The following N4BP2L2 variants were observed in gnomAD, a reference collection of about 807,000 sequenced individuals.
The protein encoded by N4BP2L2 is NEDD4-binding protein 2-like 2.
Under a neutral mutation model 56.2 loss-of-function variants are expected in N4BP2L2, and 50 were observed. The ratio of observed to expected loss-of-function variants is 0.89; its 90% confidence interval spans 0.71 to 1.13. The LOEUF is 1.13. Ranked by LOEUF, N4BP2L2 falls within the 50% of genes most tolerant of loss-of-function variation. The pLI is 0.00. For missense variants in N4BP2L2, 689 were observed against 693.8 expected (o/e 0.99, Z 0.08); for synonymous variants, 203 against 223.6 (o/e 0.91, Z 0.82).
chr13:32,518,119 T>G, intron 5 of N4BP2L2, 116 bp from the exon 6 acceptor site: 1 of 954,682 alleles, frequency 1.0e-6, no homozygotes, highest in African/African-American at 1.7e-5. Context: ...ATAAACAATA[T>G]ATATTTCATC....
chr13:32,488,021 A>C (rs769090796), intron 6 of N4BP2L2, among the ~76,000 whole-genome samples: 4 of 152,020 alleles, frequency 2.6e-5, no homozygotes, highest in Non-Finnish European at 5.9e-5. Context: ...ACCACGCCGG[A>C]CTAATAAGAG....
chr13:32,448,878 GC>G (rs1234703800), intron 6 of N4BP2L2, among the ~76,000 whole-genome samples: 17 of 152,140 alleles, frequency 1.1e-4, no homozygotes, highest in Admixed American at 9.2e-4. Context: ...AATAACTGAG[GC>G]CCAGGTCCTG....
At chr13:32,515,742 AATT>A (rs1180362591) in exon 6 of N4BP2L2, 1 of 151,972 alleles carries the variant, frequency 6.6e-6, no homozygotes. Flanking sequence ...TAAAAAAACT[AATT>A]TTTTTTTTTG....
At chr13:32,527,306 C>T in intron 3 of N4BP2L2, 102 bp downstream of exon 3, 3 of 1,293,530 alleles carry the variant, frequency 2.3e-6, no homozygotes, top group African/African-American at 1.5e-5. Flanking sequence ...AACGGCTTGC[C>T]TACAGTCATT....
rs1185615708 is a variant in N4BP2L2 at position 32,492,272 on chromosome 13, A to ATTTTT, written c.365+25584_365+25585insAAAAA. On this transcript the variant is annotated intron_variant, in intron 6 of 9. Coordinates refer to the N4BP2L2 transcript ENST00000357505. ...TTTTCTACACATCCCAAAACACCAAAATTTTTTTTTTTTTTTTTTTTTTTT... is the reference window on the plus strand; with the variant it reads ...TTTTCTACACATCCCAAAACACCAAATTTTTATTTTTTTTTTTTTTTTTTTTTTTT... 2.6e-3 allele frequency among the ~76,000 whole-genome samples: 204 copies of ATTTTT among 77,036 alleles called. 3 individuals are homozygous for ATTTTT. The highest frequency in any genetic ancestry group is 9.6e-3 in the African/African-American group (168 of 17,544). 50.5% of individuals were successfully genotyped at this position (77,036 alleles called of 152,430 possible). A position where few individuals can be genotyped will look rare whatever the true frequency, so the allele number is the denominator to read the frequency against.
At chr13:32,452,043 CT>C (rs1430295369) in intron 6 of N4BP2L2, among the ~76,000 whole-genome samples, 1 of 147,734 alleles carries the variant, frequency 6.8e-6, no homozygotes, top group African/African-American at 2.5e-5. Context: ...ATACCTCCAG[CT>C]TTTTTTCTTT....
chr13:32,507,826 T>G (rs1436462214), downstream of N4BP2L2: 1 of 152,130 alleles, frequency 6.6e-6, no homozygotes, highest in Non-Finnish European at 1.5e-5. Context: ...TATAGACTAC[T>G]CTAGCTGCTC....
chr13:32,538,079 G>A (rs184669763), intron 1 of N4BP2L2, among the ~76,000 whole-genome samples: 102 of 136,092 alleles, frequency 7.5e-4, no homozygotes, highest in South Asian at 2.0e-3. Flanking sequence ...TTGGGGGGGG[G>A]GGGCGGTTAC....
chr13:32,536,149 T>C (rs762504479), exon 2 of N4BP2L2: 3 of 1,613,968 alleles, frequency 1.9e-6, no homozygotes, highest in South Asian at 2.2e-5. Flanking sequence ...GACCACTGAA[T>C]CTCTGAATGT....
chr13:32,483,597 TA>T (rs1318957824), intron 6 of N4BP2L2, among the ~76,000 whole-genome samples: 1 of 152,256 alleles, frequency 6.6e-6, no homozygotes, highest in African/African-American at 2.4e-5. Context: ...GATCTTTATT[TA>T]TACTTACTGT....
At chr13:32,471,863 C>T (rs1566082776) in intron 6 of N4BP2L2, among the ~76,000 whole-genome samples, 1 of 152,268 alleles carries the variant, frequency 6.6e-6, no homozygotes, top group Non-Finnish European at 1.5e-5. Context: ...CCACTCCCTT[C>T]AGACCTCAGC....
At chr13:32,467,249 T>A (rs1375213023) in intron 6 of N4BP2L2, among the ~76,000 whole-genome samples, 3 of 150,688 alleles carry the variant, frequency 2.0e-5, no homozygotes, top group Non-Finnish European at 4.4e-5. Context: ...GTTGTTATTA[T>A]GAGAGAGGGG....
chr13:32,438,832 T>G, intron 7 of N4BP2L2: 1 of 786,324 alleles, frequency 1.3e-6, no homozygotes, highest in Non-Finnish European at 2.1e-6. Flanking sequence ...TAATTCACCA[T>G]ACCATTAAAA....
intron 2 of N4BP2L2, among the ~76,000 whole-genome samples, chr13:32,534,154 G>C (rs999807752): frequency 6.6e-6 from 1 of 152,248 alleles, no homozygotes; most frequent in Non-Finnish European, 1.5e-5. Flanking sequence ...AAAATACTCT[G>C]TAAATTGTGA....
chr13:32,534,389 C>T (rs1469632146), intron 2 of N4BP2L2, among the ~76,000 whole-genome samples: 2 of 151,922 alleles, frequency 1.3e-5, no homozygotes, highest in Non-Finnish European at 2.9e-5. Flanking sequence ...TCTTCTATAC[C>T]CACTCTTAGT....
chr13:32,434,384 C>A (rs2075234872), intron 9 of N4BP2L2, among the ~76,000 whole-genome samples: 1 of 151,868 alleles, frequency 6.6e-6, no homozygotes, highest in African/African-American at 2.4e-5. Flanking sequence ...AGGCATGAGC[C>A]ACCGTGCCCG....
At chr13:32,475,398 A>G (rs968109929) in intron 6 of N4BP2L2, among the ~76,000 whole-genome samples, 5 of 152,202 alleles carry the variant, frequency 3.3e-5, no homozygotes, top group African/African-American at 1.2e-4. Flanking sequence ...AGGTCATCCA[A>G]GAGAGGGTCT....
chr13:32,436,947 G>A (rs1390259796), intron 8 of N4BP2L2, among the ~76,000 whole-genome samples: 1 of 151,592 alleles, frequency 6.6e-6, no homozygotes, highest in East Asian at 1.9e-4. Context: ...GTGGCACAAT[G>A]TTGGCTCACT....
intron 6 of N4BP2L2, among the ~76,000 whole-genome samples, chr13:32,460,850 A>G (rs2079924546): frequency 1.3e-5 from 2 of 152,194 alleles, no homozygotes; most frequent in Admixed American, 1.3e-4. Context: ...AGCTTGTAGC[A>G]TCACACTACC....
Sources: allele counts gnomAD v4.1 joint callset (sites outside exome capture counted in the v4.1 genomes callset), GRCh38; gene constraint gnomAD v4.1.1; transcripts MANE v1.5; gene names NCBI Gene and HGNC (gene_info 2026-07-23, HGNC 2026-07-21).